The following EYS variants were observed in gnomAD, a reference collection of about 807,000 sequenced individuals.
EYS encodes the protein protein eyes shut homolog.
In EYS, 250 loss-of-function variants were observed where a neutral mutation model predicts 282.1. The observed-to-expected ratio is 0.89, with a 90% CI of 0.80 to 0.98. The LOEUF is 0.98. Ranked by LOEUF, EYS falls within the 50% of genes least tolerant of loss-of-function variation. EYS has a pLI of 0.00. For missense variants in EYS, 4,016 were observed against 3,709.0 expected (o/e 1.08, Z -2.15); for synonymous variants, 1,355 against 1,282.9 (o/e 1.06, Z -1.20).
chr6:65,190,958 C>T (rs1469658558), intron 12 of EYS, among the ~76,000 whole-genome samples: 1 of 151,742 alleles, frequency 6.6e-6, no homozygotes, highest in East Asian at 1.9e-4. Context: ...TGGAGAATGA[C>T]AATCTGTATG....
intron 22 of EYS, among the ~76,000 whole-genome samples, chr6:64,661,879 C>G (rs1184805051): frequency 8.5e-5 from 12 of 140,662 alleles, no homozygotes; most frequent in Admixed American, 7.3e-5. Context: ...CATCCCATTA[C>G]TGGGTATATA....
chr6:65,041,862 C>G (rs752026011), intron 13 of EYS, among the ~76,000 whole-genome samples: 1 of 151,402 alleles, frequency 6.6e-6, no homozygotes, highest in Admixed American at 6.6e-5. Flanking sequence ...ACTGATCTTA[C>G]AGACATCATT....
chr6:65,218,873 G>A (rs892965232), intron 12 of EYS, among the ~76,000 whole-genome samples: 6 of 151,888 alleles, frequency 4.0e-5, no homozygotes, highest in African/African-American at 1.5e-4. Context: ...AAGAGAAAAG[G>A]GTAGAAAAAT....
chr6:63,864,706 G>A (rs1397253302), intron 35 of EYS, among the ~76,000 whole-genome samples: 2 of 152,198 alleles, frequency 1.3e-5, no homozygotes, highest in Non-Finnish European at 2.9e-5. Flanking sequence ...TGCATCAAAT[G>A]TCTATTAGCA....
intron 33 of EYS, among the ~76,000 whole-genome samples, chr6:64,036,505 T>A (rs1291958235): frequency 6.6e-6 from 1 of 152,222 alleles, no homozygotes; most frequent in Non-Finnish European, 1.5e-5. Context: ...ACAATTTTAA[T>A]CTTAATCTTA....
intron 34 of EYS, among the ~76,000 whole-genome samples, chr6:63,985,203 A>G (rs1210202237): frequency 6.6e-6 from 1 of 151,772 alleles, no homozygotes; most frequent in African/African-American, 2.4e-5. Context: ...GCTTGGATAC[A>G]GACCGACTGG....
chr6:65,456,602 T>C (rs1305881675), intron 5 of EYS, among the ~76,000 whole-genome samples: 1 of 152,050 alleles, frequency 6.6e-6, no homozygotes, highest in Admixed American at 6.6e-5. Flanking sequence ...GCAATGAGGG[T>C]TTAATTTATG....
At chr6:65,003,092 A>C (rs1303719021) in intron 13 of EYS, among the ~76,000 whole-genome samples, 1 of 147,866 alleles carries the variant, frequency 6.8e-6, no homozygotes, top group Non-Finnish European at 1.5e-5. Context: ...GAAACAAGAG[A>C]GATAACCTTG....
chr6:64,990,794 A>G (rs1446883447), intron 14 of EYS, among the ~76,000 whole-genome samples: 1 of 151,638 alleles, frequency 6.6e-6, no homozygotes, highest in Non-Finnish European at 1.5e-5. Flanking sequence ...AATATGTTTT[A>G]GCTTCCAGAG....
chr6:64,596,720 A>G (rs1582936895), intron 24 of EYS, among the ~76,000 whole-genome samples: 1 of 152,340 alleles, frequency 6.6e-6, no homozygotes, highest in Admixed American at 6.5e-5. Flanking sequence ...AAAATTGATT[A>G]CAGACTTAAG....
chr6:64,620,101 T>C (rs1767397364), intron 23 of EYS, among the ~76,000 whole-genome samples: 2 of 152,220 alleles, frequency 1.3e-5, no homozygotes, highest in African/African-American at 4.8e-5. Context: ...AAAACGGACC[T>C]GAATAATGGA....
chr6:64,443,257 G>A (rs1328021139), intron 26 of EYS, among the ~76,000 whole-genome samples: 1 of 152,158 alleles, frequency 6.6e-6, no homozygotes, highest in Non-Finnish European at 1.5e-5. Flanking sequence ...CTTGGTTTTG[G>A]CCAAGTTTTC....
chr6:64,699,688 A>G (rs979313781), intron 22 of EYS, among the ~76,000 whole-genome samples: 1 of 151,838 alleles, frequency 6.6e-6, no homozygotes, highest in Non-Finnish European at 1.5e-5. Flanking sequence ...AAGTAATGAC[A>G]CTGAATTAGC....
At chr6:64,331,531 A>G (rs1770646493) in intron 29 of EYS, among the ~76,000 whole-genome samples, 1 of 152,214 alleles carries the variant, frequency 6.6e-6, no homozygotes, top group South Asian at 2.1e-4. Flanking sequence ...TGAGCAGGAC[A>G]GTGGAAGTTA....
intron 35 of EYS, among the ~76,000 whole-genome samples, chr6:63,928,151 C>T (rs1196938461): frequency 1.3e-5 from 2 of 152,174 alleles, no homozygotes; most frequent in African/African-American, 4.8e-5. Flanking sequence ...ATGCTTTGAA[C>T]ATTTAAAGTG....
chr6:64,273,219 G>A (rs1331170219), intron 30 of EYS, among the ~76,000 whole-genome samples: 1 of 152,028 alleles, frequency 6.6e-6, no homozygotes, highest in African/African-American at 2.4e-5. Flanking sequence ...CTAAATCTTT[G>A]TATCATGATT....
chr6:64,416,518 C>CTTTTTTTTTTTTTTTTT (rs371267333), intron 28 of EYS, among the ~76,000 whole-genome samples: 1 of 139,826 alleles, frequency 7.2e-6, no homozygotes, highest in Non-Finnish European at 1.5e-5. Context: ...GCCGTTAGGT[C>CTTTTTTTTTTTTTTTTT]TTTTTTTTTT....
chr6:63,934,196 C>A (rs970099859), intron 35 of EYS, among the ~76,000 whole-genome samples: 20 of 152,188 alleles, frequency 1.3e-4, no homozygotes, highest in Non-Finnish European at 2.5e-4. Context: ...AAAATCACAA[C>A]GAGATACCAT....
chr6:65,517,347 A>AAAAAAAAAT (rs1303849302), intron 2 of EYS, among the ~76,000 whole-genome samples: 1 of 151,520 alleles, frequency 6.6e-6, no homozygotes, highest in African/African-American at 2.4e-5. Context: ...ACAACAAAAA[A>AAAAAAAAAT]AAAACAAAAG....
Sources: allele counts gnomAD v4.1 joint callset (sites outside exome capture counted in the v4.1 genomes callset), GRCh38; gene constraint gnomAD v4.1.1; transcripts MANE v1.5; gene names NCBI Gene and HGNC (gene_info 2026-07-23, HGNC 2026-07-21).